CCDC7: variants seen among roughly 807,000 people sequenced by gnomAD.
CCDC7 encodes coiled-coil domain-containing protein 7.
CCDC7 carries 183 observed loss-of-function variants against 196.9 expected under a neutral mutation model. The observed-to-expected ratio is 0.93, with a 90% CI of 0.82 to 1.05. The LOEUF is 1.05. CCDC7 is among the 50% of genes least tolerant of loss of function. The pLI is 0.00. For missense variants in CCDC7, 1,540 were observed against 1,482.2 expected (o/e 1.04, Z -0.64); for synonymous variants, 525 against 484.6 (o/e 1.08, Z -1.10).
intron 25 of CCDC7, among the ~76,000 whole-genome samples, chr10:32,722,429 A>G (rs2082547750): frequency 6.6e-6 from 1 of 152,086 alleles, no homozygotes; most frequent in African/African-American, 2.4e-5. Context: ...AACAACAAAA[A>G]TTGTCGTCAG....
rs189041680 is a variant in CCDC7, at chr10:32,672,614, T to G, written c.2122+8453T>G. Among the ~76,000 whole-genome samples, 230 of 152,328 alleles carry G rather than the reference T, an allele frequency of 1.5e-3. 1 individual carries two copies. The highest frequency in any genetic ancestry group is 3.3e-3 in the Admixed American group (50 of 15,302). On this transcript the variant is annotated intron_variant, in intron 21 of 41. Coordinates refer to ENST00000639629, the Ensembl canonical transcript of CCDC7. The stretch of plus-strand genomic sequence containing the variant: ...TGGGGTTTCCTGGTGGGGATGGCTC[T>G]TGGTTACCTCAGTAGAAAGAAATGG...
intron 24 of CCDC7, among the ~76,000 whole-genome samples, chr10:32,705,688 A>T (rs2079605382): frequency 1.3e-5 from 2 of 152,194 alleles, no homozygotes; most frequent in Admixed American, 6.5e-5. Context: ...GTTAAAACAG[A>T]CTTTAAACCA....
rs112956862 is a variant in CCDC7 at position 32,654,858 on chromosome 10, T to C, written c.2015-9196T>C. ...GATTCCCTGATACATGTTAGAGCTTTATAGAGCCACTCCTTATGGACATCT... is the reference window on the plus strand; with the variant it reads ...GATTCCCTGATACATGTTAGAGCTTCATAGAGCCACTCCTTATGGACATCT... On this transcript the variant is annotated intron_variant, in intron 20 of 41. Transcript: ENST00000639629. 4.5e-3 allele frequency among the ~76,000 whole-genome samples: 680 copies of C among 152,348 alleles called. 3 individuals are homozygous for C. Among genetic ancestry groups the C allele is most frequent in the Non-Finnish European group, 7.7e-3 (522 of 68,026 alleles).
chr10:32,668,048 G>A (rs1375117334), intron 21 of CCDC7, among the ~76,000 whole-genome samples: 2 of 152,000 alleles, frequency 1.3e-5, no homozygotes, highest in South Asian at 2.1e-4. Context: ...ATTTCATTGA[G>A]CAGTGGTTTG....
At chr10:32,707,535 C>T (rs975624083) in intron 24 of CCDC7, among the ~76,000 whole-genome samples, 4 of 152,206 alleles carry the variant, frequency 2.6e-5, no homozygotes, top group Non-Finnish European at 5.9e-5. Flanking sequence ...CAAATTATCC[C>T]TGTTTGCAGA....
chr10:32,794,405 G>A lies in CCDC7; in HGVS notation c.3014-10610G>A, dbSNP rs142780509. ...ACTTTTGAGTGCATGTGTCTTTTTG[G>A]TAGAATGATTTATTTTCCTTTGTGT... On this transcript the variant is annotated intron_variant, in intron 29 of 41. Coordinates refer to ENST00000639629, the Ensembl canonical transcript of CCDC7. Among the ~76,000 whole-genome samples the A allele has an allele frequency of 2.6e-5, 4 of 152,232 alleles. No individual in the cohort carries two copies. In the East Asian group the frequency reaches 5.8e-4, roughly 22 times the overall value.
At chr10:32,845,769 A>ACG in intron 35 of CCDC7, 107 bp from the exon 37 acceptor site, 1 of 480,316 alleles carries the variant, frequency 2.1e-6, no homozygotes, top group Non-Finnish European at 3.1e-6. Flanking sequence ...TTCCATAATT[A>ACG]CACACACACA....
At chr10:32,800,956 G>A (rs180736266) in intron 29 of CCDC7, among the ~76,000 whole-genome samples, 10 of 152,344 alleles carry the variant, frequency 6.6e-5, no homozygotes, top group African/African-American at 2.2e-4. Context: ...CTCTACATGA[G>A]TCAGACTATT....
chr10:32,704,189 G>A (rs1762549), intron 24 of CCDC7, among the ~76,000 whole-genome samples: 52,246 of 151,942 alleles, frequency 0.34, 11,628 homozygotes, highest in Non-Finnish European at 0.5. Context: ...TGGGGTTTTG[G>A]TGTGGATGTC....
intron 30 of CCDC7, among the ~76,000 whole-genome samples, chr10:32,809,905 G>A (rs982477459): frequency 6.7e-6 from 1 of 149,848 alleles, no homozygotes. Flanking sequence ...TATAAATCAT[G>A]CTACTATAAA....
intron 8 of CCDC7, among the ~76,000 whole-genome samples, chr10:32,484,278 C>G (rs2040560032): frequency 6.6e-6 from 1 of 152,048 alleles, no homozygotes; most frequent in Non-Finnish European, 1.5e-5. Context: ...GGAGTTCCCT[C>G]ATGATTTGGC....
chr10:32,678,002 T>C (rs995864013), intron 21 of CCDC7, among the ~76,000 whole-genome samples: 1 of 152,094 alleles, frequency 6.6e-6, no homozygotes, highest in Non-Finnish European at 1.5e-5. Context: ...TTTGAGGCTA[T>C]CTATGAAATT....
At chr10:32,841,814 C>A (rs890694858) in intron 33 of CCDC7, among the ~76,000 whole-genome samples, 2 of 152,010 alleles carry the variant, frequency 1.3e-5, no homozygotes, top group African/African-American at 2.4e-5. Flanking sequence ...ATACTTACAG[C>A]CGACAGATCT....
chr10:32,689,089 G>A, exon 23 of CCDC7: 3 of 1,607,050 alleles, frequency 1.9e-6, no homozygotes, highest in South Asian at 1.1e-5. Context: ...CTTATACTTA[G>A]GCATCAAGAC....
chr10:32,790,916 C>T (rs2082596905), intron 29 of CCDC7, among the ~76,000 whole-genome samples: 1 of 152,128 alleles, frequency 6.6e-6, no homozygotes, highest in Non-Finnish European at 1.5e-5. Flanking sequence ...CAATCCTGTG[C>T]CCTGGAACAT....
intron 13 of CCDC7, among the ~76,000 whole-genome samples, chr10:32,556,030 C>A (rs2054285932): frequency 6.6e-6 from 1 of 152,160 alleles, no homozygotes; most frequent in South Asian, 2.1e-4. Context: ...TCACATCACT[C>A]ATGGTGTCAT....
intron 29 of CCDC7, 63 bp from the exon 31 acceptor site, chr10:32,804,952 C>G (rs2085519363): frequency 2.2e-6 from 2 of 917,496 alleles, no homozygotes; most frequent in Middle Eastern, 4.4e-4. Flanking sequence ...CACACACACA[C>G]CCCTCACATT....
At chr10:32,824,401 T>A (rs2090783907) in intron 31 of CCDC7, 117 bp from the exon 33 acceptor site, 1 of 579,454 alleles carries the variant, frequency 1.7e-6, no homozygotes, top group Non-Finnish European at 2.9e-6. Flanking sequence ...TCTGGACACT[T>A]TATTATAATT....
intron 20 of CCDC7, among the ~76,000 whole-genome samples, chr10:32,661,528 C>T (rs1330546073): frequency 6.6e-6 from 1 of 152,114 alleles, no homozygotes. Flanking sequence ...ACCTGATGCC[C>T]ATAGCATACT....
Sources: gnomAD v4.1 joint callset for allele counts (sites outside exome capture counted in the v4.1 genomes callset) on GRCh38, gnomAD v4.1.1 for gene constraint, MANE v1.5 for transcripts, NCBI Gene and HGNC (gene_info 2026-07-23, HGNC 2026-07-21) for gene names.